Variants in CDK13 observed in about 807,000 individuals in gnomAD.
The protein encoded by CDK13 is cyclin dependent kinase 13, also known as cyclin-dependent kinase 13.
CDK13 carries 40 observed loss-of-function variants against 137.6 expected under a neutral mutation model. The ratio of observed to expected loss-of-function variants is 0.29; its 90% confidence interval spans 0.23 to 0.38. The LOEUF (loss-of-function observed/expected upper bound fraction) is 0.38, where lower values mean the gene tolerates loss of function less well. Among genes scored for constraint, CDK13 ranks in the 10% least tolerant of loss-of-function variants. The probability of loss-of-function intolerance (pLI) is 1.00; values close to 1 mark genes in which losing one functional copy is unlikely to be tolerated. For missense variants in CDK13, 1,704 were observed against 1,951.8 expected (o/e 0.87, Z 2.39); for synonymous variants, 869 against 760.1 (o/e 1.14, Z -2.36).
intron 1 of CDK13, 86 bp downstream of exon 1, chr7:39,951,938 G>GTT: frequency 2.4e-6 from 3 of 1,271,538 alleles, no homozygotes; most frequent in Non-Finnish European, 2.0e-6. Flanking sequence ...CGGGTCCTCA[G>GTT]AACGACTCAG....
intron 1 of CDK13, among the ~76,000 whole-genome samples, chr7:39,981,788 A>G (rs927768265): frequency 1.3e-5 from 2 of 149,558 alleles, no homozygotes; most frequent in East Asian, 3.9e-4. Flanking sequence ...AGCTTCCAAA[A>G]TATCTTTTTT....
At chr7:40,038,721 G>T (rs1225495945) in intron 5 of CDK13, among the ~76,000 whole-genome samples, 1 of 152,128 alleles carries the variant, frequency 6.6e-6, no homozygotes, top group Non-Finnish European at 1.5e-5. Context: ...TTGAGACGGA[G>T]TTTCGCTCTT....
At chr7:40,031,778 C>T (rs574028767) in intron 5 of CDK13, among the ~76,000 whole-genome samples, 197 of 148,632 alleles carry the variant, frequency 1.3e-3, no homozygotes, top group Middle Eastern at 7.3e-3. Flanking sequence ...CCTGAGTAGC[C>T]GGGACTGCAG....
At chr7:40,040,030 T>A (rs1785572111) in intron 5 of CDK13, among the ~76,000 whole-genome samples, 1 of 151,552 alleles carries the variant, frequency 6.6e-6, no homozygotes, top group African/African-American at 2.4e-5. Context: ...TTTTTGAGAT[T>A]GAGTTTTGCT....
chr7:40,047,818 C>T lies in CDK13; in HGVS notation c.2544-3C>T, dbSNP rs978100567. 6.2e-7 allele frequency: 1 copy of T among 1,603,372 alleles called. No homozygotes were observed. Among genetic ancestry groups the T allele is most frequent in the Non-Finnish European group, 8.5e-7 (1 of 1,171,160 alleles). On this transcript the variant is annotated splice_polypyrimidine_tract_variant and splice_region_variant and intron_variant, in intron 6 of 13. Coordinates refer to ENST00000181839, the MANE Select transcript of CDK13 (RefSeq NM_003718.5). Reference sequence around the variant, plus strand: ...TTTGTTCATTTTGTCTTATTTCCACCAGAGGGCAGATAAAACTTGCAGACT... The same window carrying T: ...TTTGTTCATTTTGTCTTATTTCCACTAGAGGGCAGATAAAACTTGCAGACT...
At position 40,026,116 on chromosome 7, in the gene CDK13, G is replaced by A. The variant is rs144555390; in HGVS notation, c.2354-19720G>A. Among the ~76,000 whole-genome samples the A allele has an allele frequency of 7.2e-5, 11 of 152,272 alleles. No homozygotes were observed. In the East Asian group the frequency reaches 1.9e-3, roughly 27 times the overall value. On this transcript the variant is annotated intron_variant, in intron 5 of 13. Coordinates refer to ENST00000181839, the MANE Select transcript of CDK13 (RefSeq NM_003718.5). Reference sequence around the variant, plus strand: ...TCTCTTTTAAGTACTAAACATGTGGGGAGAGTATTTCAGTAGAATTGGTTA... The same window carrying A: ...TCTCTTTTAAGTACTAAACATGTGGAGAGAGTATTTCAGTAGAATTGGTTA...
chr7:40,021,847 C>G (rs1216059572), intron 5 of CDK13, among the ~76,000 whole-genome samples: 1 of 152,094 alleles, frequency 6.6e-6, no homozygotes. Flanking sequence ...TCTTTTCAAG[C>G]AGATAGTTAT....
chr7:40,065,939 C>T (rs994791114), intron 9 of CDK13, among the ~76,000 whole-genome samples: 14 of 152,018 alleles, frequency 9.2e-5, no homozygotes, highest in African/African-American at 3.1e-4. Flanking sequence ...CTGTAATCTC[C>T]GCATTTGGGA....
chr7:40,025,562 A>G (rs915050998), intron 5 of CDK13, among the ~76,000 whole-genome samples: 1 of 152,214 alleles, frequency 6.6e-6, no homozygotes, highest in Non-Finnish European at 1.5e-5. Context: ...GATAATTTCT[A>G]GAATTGGTAA....
chr7:40,092,306 A>T (rs1233330710), intron 12 of CDK13: 1 of 156,520 alleles, frequency 6.4e-6, no homozygotes, highest in African/African-American at 2.4e-5. Flanking sequence ...CACTTACAGA[A>T]TATTTGCCCT....
intron 1 of CDK13, among the ~76,000 whole-genome samples, chr7:39,958,217 G>A (rs960031560): frequency 5.9e-5 from 9 of 152,116 alleles, no homozygotes; most frequent in Non-Finnish European, 1.3e-4. Flanking sequence ...TGATCTACAC[G>A]CCTCCCTGCT....
chr7:40,061,147 A>C (rs1351004448), intron 7 of CDK13: 1 of 152,188 alleles, frequency 6.6e-6, no homozygotes, highest in East Asian at 1.9e-4. Context: ...CAGTTTAACT[A>C]GAGTAGCTAA....
intron 12 of CDK13, among the ~76,000 whole-genome samples, chr7:40,091,863 T>G (rs1462986377): frequency 2.0e-5 from 3 of 152,222 alleles, no homozygotes; most frequent in Non-Finnish European, 4.4e-5. Flanking sequence ...CATCTGTGAT[T>G]ATGGGAATTG....
intron 5 of CDK13, among the ~76,000 whole-genome samples, chr7:40,009,508 G>C (rs535364527): frequency 9.2e-5 from 14 of 152,356 alleles, no homozygotes; most frequent in African/African-American, 3.4e-4. Flanking sequence ...ATAATGAGCA[G>C]CTGTTGCATC....
intron 2 of CDK13, among the ~76,000 whole-genome samples, chr7:39,996,532 A>T (rs1239156088): frequency 7.9e-5 from 12 of 152,256 alleles, no homozygotes; most frequent in Admixed American, 5.9e-4. Flanking sequence ...ATCTTAAAAA[A>T]ATTAGAAGAA....
intron 7 of CDK13, 38 bp from the exon 8 acceptor site, chr7:40,062,788 A>G: frequency 1.4e-6 from 2 of 1,400,868 alleles, no homozygotes; most frequent in Admixed American, 1.7e-5. Flanking sequence ...TTACTCCAAC[A>G]AATACTAACT....
At chr7:40,001,836 C>A in intron 4 of CDK13, 25 bp from the exon 5 acceptor site, 1 of 1,464,308 alleles carries the variant, frequency 6.8e-7, no homozygotes, top group Non-Finnish European at 9.5e-7. Flanking sequence ...AACTGGTAAC[C>A]TGATTTTATT....
intron 5 of CDK13, among the ~76,000 whole-genome samples, chr7:40,006,964 T>G (rs771199310): frequency 4.6e-5 from 7 of 152,026 alleles, no homozygotes; most frequent in Non-Finnish European, 1.0e-4. Flanking sequence ...TGCCCTACCC[T>G]CAAAAAGGTA....
At chr7:40,028,638 T>A (rs910105057) in intron 5 of CDK13, among the ~76,000 whole-genome samples, 1 of 152,174 alleles carries the variant, frequency 6.6e-6, no homozygotes, top group African/African-American at 2.4e-5. Context: ...GATGGTGGTC[T>A]CACTGAGTCT....
Sources: allele counts gnomAD v4.1 joint callset (sites outside exome capture counted in the v4.1 genomes callset), GRCh38; gene constraint gnomAD v4.1.1; transcripts MANE v1.5; gene names NCBI Gene and HGNC (gene_info 2026-07-23, HGNC 2026-07-21).